Variants in KLHL29 observed in about 807,000 individuals in gnomAD.
The protein encoded by KLHL29 is kelch like family member 29, also known as kelch-like protein 29.
In KLHL29, 21 loss-of-function variants were observed where a neutral mutation model predicts 80.4. The observed-to-expected ratio is 0.26, with a 90% CI of 0.19 to 0.38. KLHL29 has a LOEUF of 0.38. KLHL29 is among the 10% of genes least tolerant of loss of function. KLHL29 has a pLI of 1.00. For missense variants in KLHL29, 867 were observed against 1,223.9 expected (o/e 0.71, Z 4.35); for synonymous variants, 511 against 526.8 (o/e 0.97, Z 0.41).
intron 1 of KLHL29, among the ~76,000 whole-genome samples, chr2:23,409,487 T>A (rs1005245159): frequency 1.3e-5 from 2 of 152,230 alleles, no homozygotes; most frequent in African/African-American, 4.8e-5. Context: ...TTTTACTCTT[T>A]GCTTTTTATG....
Position 23,457,141 on chromosome 2 carries a change from G to A in KLHL29, c.-153-18419G>A, listed in dbSNP as rs1336709303. On this transcript the variant is annotated intron_variant, in intron 1 of 13. Transcript: ENST00000486442. This position sits in a 1 kb window ranked among gnomAD's most constrained non-coding sequence, Gnocchi z 4.3. The stretch of plus-strand genomic sequence containing the variant: ...CCGGGGACTGGAGCTAGAGGCATCT[G>A]GTGACAGGAACAGGAGGAGGTTAAA... Among the ~76,000 whole-genome samples the A allele has an allele frequency of 6.6e-6, 1 of 152,222 alleles. No individual in the cohort carries two copies. Among genetic ancestry groups the A allele is most frequent in the African/African-American group, 2.4e-5 (1 of 41,452 alleles).
chr2:23,675,369 G>A (rs375423351), intron 5 of KLHL29, among the ~76,000 whole-genome samples: 1 of 152,150 alleles, frequency 6.6e-6, no homozygotes, highest in Non-Finnish European at 1.5e-5. Context: ...CTCTGGCCAG[G>A]TTCCTTGGGC....
At chr2:23,648,751 C>T (rs1275275909) in intron 5 of KLHL29, among the ~76,000 whole-genome samples, 1 of 152,184 alleles carries the variant, frequency 6.6e-6, no homozygotes, top group Admixed American at 6.5e-5. Context: ...TCCTCCAGAC[C>T]AAACAGCCAA....
chr2:23,602,234 C>T (rs1306937669), intron 3 of KLHL29, among the ~76,000 whole-genome samples: 2 of 152,220 alleles, frequency 1.3e-5, no homozygotes, highest in South Asian at 2.1e-4. Flanking sequence ...GACATGACGT[C>T]GTTCCTGTGC....
intron 5 of KLHL29, among the ~76,000 whole-genome samples, chr2:23,674,385 T>C (rs115328233): frequency 0.036 from 5,534 of 152,232 alleles, 116 homozygotes; most frequent in South Asian, 0.09. Flanking sequence ...CCCAGCCTCA[T>C]TCAGCGGTGG....
chr2:23,413,489 G>A (rs1389360754), intron 1 of KLHL29, among the ~76,000 whole-genome samples: 1 of 152,178 alleles, frequency 6.6e-6, no homozygotes, highest in Non-Finnish European at 1.5e-5. Flanking sequence ...CCATCACCGG[G>A]CAGAGGTTAA....
chr2:23,526,588 C>T (rs555000359), intron 2 of KLHL29, among the ~76,000 whole-genome samples: 25 of 152,278 alleles, frequency 1.6e-4, no homozygotes, highest in African/African-American at 6.0e-4. Context: ...GTGGCCTGCT[C>T]TGCCCTCTGC....
chr2:23,399,215 G>C (rs1226008540), intron 1 of KLHL29, among the ~76,000 whole-genome samples: 1 of 152,202 alleles, frequency 6.6e-6, no homozygotes, highest in Non-Finnish European at 1.5e-5. Flanking sequence ...TAGAATCTTT[G>C]TGCTGTCACT....
At chr2:23,524,264 GA>G (rs756933083) in intron 2 of KLHL29, 6 of 260,586 alleles carry the variant, frequency 2.3e-5, no homozygotes, top group African/African-American at 4.4e-5. Context: ...ACCAAACCCA[GA>G]GCGGGCAGGC....
rs1033081225 is a variant in KLHL29, at chr2:23,684,981, G to A, written c.1079+444G>A. ...CGGTGGTGACTAATGCCAGGAAAGC[G>A]CATCGGCCAGGCTGTCCCTGCTGAG... On this transcript the variant is annotated intron_variant, in intron 6 of 13. Transcript: ENST00000486442. This position sits in a 1 kb window ranked among gnomAD's most constrained non-coding sequence, Gnocchi z 4.4. Among the ~76,000 whole-genome samples the A allele has an allele frequency of 5.3e-5, 8 of 152,216 alleles. No individual in the cohort carries two copies. The highest frequency in any genetic ancestry group is 2.0e-4 in the Admixed American group (3 of 15,284).
At chr2:23,665,882 T>C (rs1300413347) in intron 5 of KLHL29, among the ~76,000 whole-genome samples, 1 of 152,128 alleles carries the variant, frequency 6.6e-6, no homozygotes. Context: ...CGCCAACACA[T>C]TTCCACATGA....
chr2:23,570,642 A>G (rs958007309), intron 3 of KLHL29, among the ~76,000 whole-genome samples: 2 of 152,070 alleles, frequency 1.3e-5, no homozygotes, highest in African/African-American at 4.8e-5. Context: ...AAAGGAAGTC[A>G]CTCACATTCC....
intron 3 of KLHL29, among the ~76,000 whole-genome samples, chr2:23,611,633 A>G (rs1315635854): frequency 6.6e-6 from 1 of 152,224 alleles, no homozygotes; most frequent in African/African-American, 2.4e-5. Context: ...AATCAGATAC[A>G]AGGAGACCAC....
chr2:23,613,535 G>A (rs1022371019), intron 3 of KLHL29, among the ~76,000 whole-genome samples: 1 of 152,104 alleles, frequency 6.6e-6, no homozygotes, highest in Non-Finnish European at 1.5e-5. Context: ...GGAGGCTGAG[G>A]TGGGCGGATC....
intron 1 of KLHL29, among the ~76,000 whole-genome samples, chr2:23,437,237 C>T (rs545074796): frequency 6.6e-6 from 1 of 152,324 alleles, no homozygotes; most frequent in South Asian, 2.1e-4. Context: ...TATCTGGGAG[C>T]AGCAGTTTAT....
rs1234735044 is a variant in KLHL29 at position 23,659,027 on chromosome 2, A to ATGTCT, written c.940+16178_940+16182dup. 3.3e-5 allele frequency among the ~76,000 whole-genome samples: 5 copies of ATGTCT among 152,220 alleles called. No individual in the cohort carries two copies. The East Asian group carries it at 9.7e-4, about 29-fold the overall frequency. On this transcript the variant is annotated intron_variant, in intron 5 of 13. Transcript: ENST00000486442. Reference sequence around the variant, plus strand: ...CCCAGCATCTTGATGGTCTATTTTCATGTCTGTCTCCCCCACTCAACTGTG... The same window carrying ATGTCT: ...CCCAGCATCTTGATGGTCTATTTTCATGTCTTGTCTGTCTCCCCCACTCAACTGTG...
intron 2 of KLHL29, chr2:23,507,240 A>G (rs922155870): frequency 4.0e-5 from 10 of 249,836 alleles, no homozygotes; most frequent in Admixed American, 3.8e-4. Flanking sequence ...ATCCTGTAAC[A>G]TAAGAGGCAG....
At chr2:23,585,562 T>C (rs1668097330) in intron 3 of KLHL29, among the ~76,000 whole-genome samples, 1 of 152,054 alleles carries the variant, frequency 6.6e-6, no homozygotes. Flanking sequence ...TAAGTTCAAA[T>C]CCAAGGGAAG....
At chr2:23,597,303 A>ATGTGTGTGTGTGTG (rs1178808276) in intron 3 of KLHL29, among the ~76,000 whole-genome samples, 138 of 82,182 alleles carry the variant, frequency 1.7e-3, no homozygotes, top group East Asian at 9.8e-3. Flanking sequence ...TCTCATATAT[A>ATGTGTGTGTGTGTG]TATATATGTG....
Sources: allele counts gnomAD v4.1 joint callset (sites outside exome capture counted in the v4.1 genomes callset), GRCh38; gene constraint gnomAD v4.1.1; non-coding constraint Gnocchi (gnomAD v3.1); transcripts MANE v1.5; gene names NCBI Gene and HGNC (gene_info 2026-07-23, HGNC 2026-07-21).